The following CABCOCO1 variants were observed in gnomAD, a reference collection of about 807,000 sequenced individuals.
The protein encoded by CABCOCO1 is ciliary-associated calcium-binding coiled-coil protein 1.
CABCOCO1 carries 28 observed loss-of-function variants against 35.7 expected under a neutral mutation model. The ratio of observed to expected loss-of-function variants is 0.78; its 90% CI spans 0.58 to 1.07. The LOEUF is 1.07. Ranked by LOEUF, CABCOCO1 falls within the 50% of genes least tolerant of loss-of-function variation. The pLI is 0.00. For synonymous variants in CABCOCO1, 95 were observed against 100.1 expected (o/e 0.95, Z 0.30); for missense variants, 326 against 309.2 (o/e 1.05, Z -0.41).
intron 5 of CABCOCO1, among the ~76,000 whole-genome samples, chr10:61,731,949 A>G (rs1482647855): frequency 6.6e-6 from 1 of 152,206 alleles, no homozygotes; most frequent in Non-Finnish European, 1.5e-5. Flanking sequence ...TACCTGTTCT[A>G]AAATTTCTAA....
chr10:61,723,817 C>A (rs989133162), intron 5 of CABCOCO1, among the ~76,000 whole-genome samples: 1 of 152,100 alleles, frequency 6.6e-6, no homozygotes, highest in African/African-American at 2.4e-5. Flanking sequence ...GTTAAGGCTT[C>A]AACATATAAA....
In CABCOCO1 at chr10:61,719,329, A is replaced by G. The variant is rs72823810; in HGVS notation, c.552+28708A>G. Among the ~76,000 whole-genome samples the G allele has an allele frequency of 4.7e-3, 713 of 152,304 alleles. 6 individuals are homozygous for G. Among genetic ancestry groups the G allele is most frequent in the Non-Finnish European group, 5.9e-3 (400 of 68,018 alleles). Reference sequence around the variant, plus strand: ...AAGTTAGGCCTACTTTATAAACTCCAAAGAGCAATTATTAGGTGCAATATT... The same window carrying G: ...AAGTTAGGCCTACTTTATAAACTCCGAAGAGCAATTATTAGGTGCAATATT... On this transcript the variant is annotated intron_variant, in intron 5 of 7. Transcript: ENST00000648843.
chr10:61,701,697 A>G (rs544497054), intron 5 of CABCOCO1: 1 of 984,862 alleles, frequency 1.0e-6, no homozygotes, highest in East Asian at 1.1e-4. Context: ...TAGGGTGTCC[A>G]GATATGCATG....
chr10:61,751,749 C>G (rs1841793269), intron 5 of CABCOCO1, among the ~76,000 whole-genome samples: 1 of 152,170 alleles, frequency 6.6e-6, no homozygotes, highest in African/African-American at 2.4e-5. Flanking sequence ...ACATCTGTAG[C>G]TGGACTAGAG....
chr10:61,734,472 A>C (rs369418326), intron 5 of CABCOCO1, among the ~76,000 whole-genome samples: 6 of 152,122 alleles, frequency 3.9e-5, no homozygotes, highest in African/African-American at 1.2e-4. Flanking sequence ...AAGTGTTAAG[A>C]ATCATAGAAC....
intron 5 of CABCOCO1, among the ~76,000 whole-genome samples, chr10:61,720,304 C>A (rs1241315981): frequency 6.6e-6 from 1 of 151,728 alleles, no homozygotes; most frequent in East Asian, 1.9e-4. Flanking sequence ...AAAAAAAACA[C>A]TGACTTACAA....
intron 5 of CABCOCO1, among the ~76,000 whole-genome samples, chr10:61,692,879 T>G (rs1401669142): frequency 6.6e-6 from 1 of 152,162 alleles, no homozygotes; most frequent in Non-Finnish European, 1.5e-5. Context: ...GCAATAATTA[T>G]CAGTTTGGAA....
chr10:61,709,393 G>A (rs1000650243), intron 5 of CABCOCO1, among the ~76,000 whole-genome samples: 1 of 151,840 alleles, frequency 6.6e-6, no homozygotes, highest in Non-Finnish European at 1.5e-5. Flanking sequence ...TTAAAATAAG[G>A]CCAGACATTT....
chr10:61,708,579 T>C (rs1421339786), intron 5 of CABCOCO1, among the ~76,000 whole-genome samples: 2 of 152,252 alleles, frequency 1.3e-5, no homozygotes, highest in African/African-American at 2.4e-5. Context: ...GCCTTCTTAC[T>C]GTGTCCTCAC....
At chr10:61,680,934 G>A (rs1042050383) in intron 2 of CABCOCO1, among the ~76,000 whole-genome samples, 2 of 150,900 alleles carry the variant, frequency 1.3e-5, no homozygotes, top group Non-Finnish European at 3.0e-5. Context: ...AGAGGAGGAA[G>A]GAGACCAGAA....
chr10:61,705,304 G>C (rs1199534664), intron 5 of CABCOCO1, among the ~76,000 whole-genome samples: 2 of 152,172 alleles, frequency 1.3e-5, no homozygotes, highest in African/African-American at 2.4e-5. Flanking sequence ...TTCCACTCAG[G>C]AACAATTCTG....
chr10:61,689,525 C>T (rs12772625), intron 4 of CABCOCO1, among the ~76,000 whole-genome samples: 2,376 of 152,104 alleles, frequency 0.016, 39 homozygotes, highest in East Asian at 0.046. Context: ...ACTCAGCTGC[C>T]GGAGGATTTC....
At chr10:61,730,855 C>G (rs1024330560) in intron 5 of CABCOCO1, among the ~76,000 whole-genome samples, 1 of 151,590 alleles carries the variant, frequency 6.6e-6, no homozygotes, top group Non-Finnish European at 1.5e-5. Context: ...CATTAAGAAA[C>G]GTCAGACAGC....
At chr10:61,682,889 C>CTTTTCT (rs1554821782) in intron 3 of CABCOCO1, among the ~76,000 whole-genome samples, 1 of 128,182 alleles carries the variant, frequency 7.8e-6, no homozygotes, top group African/African-American at 2.8e-5. Flanking sequence ...ACATGAATTT[C>CTTTTCT]TTTTTTTTTT....
chr10:61,680,394 AT>A (rs67989405), intron 2 of CABCOCO1, among the ~76,000 whole-genome samples: 6,743 of 135,670 alleles, frequency 0.05, 663 homozygotes, highest in African/African-American at 0.18. Flanking sequence ...TAATATATAT[AT>A]TTTTATATAT....
chr10:61,690,999 C>T (rs2131995269), intron 5 of CABCOCO1, among the ~76,000 whole-genome samples: 1 of 152,196 alleles, frequency 6.6e-6, no homozygotes, highest in East Asian at 1.9e-4. Context: ...TCTAATTTCA[C>T]ATTTTTTTTC....
chr10:61,718,213 G>A (rs906867831), intron 5 of CABCOCO1, among the ~76,000 whole-genome samples: 3 of 152,096 alleles, frequency 2.0e-5, no homozygotes, highest in Non-Finnish European at 4.4e-5. Context: ...TTTCCATAAA[G>A]AGATTATTAT....
chr10:61,669,020 G>GA (rs200867627), intron 1 of CABCOCO1, among the ~76,000 whole-genome samples: 5,720 of 102,544 alleles, frequency 0.056, 577 homozygotes, highest in African/African-American at 0.16. Flanking sequence ...AAGGGTTGGG[G>GA]AAAAAAAAAA....
At chr10:61,690,486 T>C in intron 4 of CABCOCO1, 63 bp from the exon 5 acceptor site, 1 of 1,116,686 alleles carries the variant, frequency 9.0e-7, no homozygotes, top group Middle Eastern at 2.0e-4. Flanking sequence ...TAAATGTCTT[T>C]ACATATTGTG....
Sources: allele counts gnomAD v4.1 joint callset (sites outside exome capture counted in the v4.1 genomes callset), GRCh38; gene constraint gnomAD v4.1.1; transcripts MANE v1.5; gene names NCBI Gene and HGNC (gene_info 2026-07-23, HGNC 2026-07-21).